PTPRQ: variants seen among roughly 807,000 people sequenced by gnomAD.
PTPRQ encodes phosphatidylinositol phosphatase PTPRQ.
In PTPRQ, 199 loss-of-function variants were observed where a neutral mutation model predicts 246.0. The ratio of observed to expected loss-of-function variants is 0.81; its 90% CI spans 0.72 to 0.91. The LOEUF (loss-of-function observed/expected upper bound fraction) is 0.91. Among genes scored for constraint, PTPRQ ranks in the 40% least tolerant of loss-of-function variants. The probability of loss-of-function intolerance (pLI) is 0.00; values close to 1 mark genes in which losing one functional copy is unlikely to be tolerated. For missense variants in PTPRQ, 2,624 were observed against 2,528.4 expected, an observed-to-expected ratio of 1.04 and a Z score of -0.81; for synonymous variants, 869 against 853.2, an observed-to-expected ratio of 1.02 and a Z score of -0.32.
At chr12:80,633,746 C>T (rs547747862) in intron 34 of PTPRQ, among the ~76,000 whole-genome samples, 11 of 152,176 alleles carry the variant, frequency 7.2e-5, no homozygotes, top group Non-Finnish European at 1.5e-4. Flanking sequence ...AGTTATCATT[C>T]GAGGCACTTT....
intron 3 of PTPRQ, among the ~76,000 whole-genome samples, chr12:80,450,130 T>C (rs989201396): frequency 6.6e-6 from 1 of 151,900 alleles, no homozygotes; most frequent in African/African-American, 2.4e-5. Flanking sequence ...TTTTATTCTC[T>C]TTGAATCAAT....
In PTPRQ at chr12:80,613,610, A is replaced by G; in HGVS notation, c.4937A>G (p.Asn1646Ser). Residue 1646 changes from asparagine to serine, a missense_variant, in exon 29 of 45, where the codon AAC (asparagine) becomes AGC (serine). Physicochemically the swap from Asn to Ser is conservative, Grantham distance 46. Coordinates refer to ENST00000644991, the MANE Select transcript of PTPRQ (RefSeq NM_001145026.2). ...ATTTTAGCCCCAAAGGACCCACCTA[A>G]CAACATGACATTTCAGAAGATACCA... ...TLESAPKDPP[N>S]NMTFQKIPDE... 1 of 1,541,996 alleles carries G rather than the reference A, an allele frequency of 6.5e-7. No individual in the cohort carries two copies. Among genetic ancestry groups the G allele is most frequent in the Middle Eastern group, 1.7e-4 (1 of 5,936 alleles).
chr12:80,535,159 A>G, intron 19 of PTPRQ, 122 bp downstream of exon 19: 1 of 989,134 alleles, frequency 1.0e-6, no homozygotes, highest in Non-Finnish European at 1.4e-6. Context: ...GATGTATTTT[A>G]TAAAACTCCC....
chr12:80,548,433 ATTATCT>A (rs1896373492), intron 24 of PTPRQ, among the ~76,000 whole-genome samples: 1 of 152,110 alleles, frequency 6.6e-6, no homozygotes, highest in Non-Finnish European at 1.5e-5. Context: ...TCAGCCAGAA[ATTATCT>A]TTAAAAAATT....
At chr12:80,491,917 A>G (rs762255973) in intron 9 of PTPRQ, among the ~76,000 whole-genome samples, 12 of 152,040 alleles carry the variant, frequency 7.9e-5, no homozygotes, top group Non-Finnish European at 1.0e-4. Context: ...ACTGAAACCT[A>G]TATTATGAAT....
chr12:80,649,034 T>C, intron 36 of PTPRQ, 111 bp downstream of exon 36: 2 of 1,024,854 alleles, frequency 2.0e-6, no homozygotes, highest in South Asian at 2.5e-5. Flanking sequence ...TGGAAAAACC[T>C]CCAAGCTGGA....
At chr12:80,673,438 G>C in intron 43 of PTPRQ, 134 bp downstream of exon 43, 1 of 1,310,412 alleles carries the variant, frequency 7.6e-7, no homozygotes, top group Non-Finnish European at 1.0e-6. Flanking sequence ...AGCCTTTTGG[G>C]GAGGATTCGG....
intron 19 of PTPRQ, among the ~76,000 whole-genome samples, chr12:80,536,010 G>C (rs1371274893): frequency 6.6e-6 from 1 of 152,228 alleles, no homozygotes; most frequent in African/African-American, 2.4e-5. Context: ...GGGAGGCTGA[G>C]GCAGGAGAAT....
At chr12:80,452,784 T>C (rs1032443357) in intron 3 of PTPRQ, among the ~76,000 whole-genome samples, 8 of 152,210 alleles carry the variant, frequency 5.3e-5, no homozygotes, top group Non-Finnish European at 8.8e-5. Context: ...CCTTTCTCTC[T>C]GGCTGCCCTT....
Position 80,460,715 on chromosome 12 carries a change from A to G in PTPRQ, c.723A>G (p.Thr241=), listed in dbSNP as rs574955582. The G allele has an allele frequency of 2.2e-4, 86 of 399,506 alleles. No individual in the cohort carries two copies. The highest frequency in any genetic ancestry group is 2.6e-4 in the Admixed American group (6 of 22,720). 24.7% of individuals were successfully genotyped at this position (399,506 alleles called of 1,614,324 possible). A position where few individuals can be genotyped will look rare whatever the true frequency, so the allele number is the denominator to read the frequency against. ...CTTCTCCAACCCTTGGTAGAGTTAC[A>G]CCTCCATCGCGTACCACACATTCAT... ...ASPSPTLGRV[T]PPSRTTHSSS... The change falls in exon 6 of 45, where the codon ACA becomes ACG. Residue 241 remains threonine, a synonymous_variant. Coordinates refer to ENST00000644991, the MANE Select transcript of PTPRQ (RefSeq NM_001145026.2).
chr12:80,496,428 C>T lies in PTPRQ; in HGVS notation c.2169C>T (p.Asn723=), dbSNP rs1311527879. Residue 723 remains asparagine, a synonymous_variant, in exon 14 of 45, where the codon AAC becomes AAT. Transcript: ENST00000644991. ...CAACAACAGACATAATATTAAGGAA[C>T]TTAAGACCTCACACCCTCTATAACA... ...NTSTTDIILR[N]LRPHTLYNIS... 6.4e-7 allele frequency: 1 copy of T among 1,550,790 alleles called. No homozygotes were observed. Among genetic ancestry groups the T allele is most frequent in the Non-Finnish European group, 8.7e-7 (1 of 1,146,478 alleles).
At chr12:80,527,868 C>A (rs1895734621) in intron 17 of PTPRQ, among the ~76,000 whole-genome samples, 1 of 152,106 alleles carries the variant, frequency 6.6e-6, no homozygotes, top group Non-Finnish European at 1.5e-5. Context: ...CCAAGGTGGG[C>A]AGATGGCTTG....
At chr12:80,601,414 T>C (rs1362699650) in intron 26 of PTPRQ, among the ~76,000 whole-genome samples, 1 of 151,818 alleles carries the variant, frequency 6.6e-6, no homozygotes, top group Non-Finnish European at 1.5e-5. Flanking sequence ...AAAGCTACCT[T>C]GATCACCTGT....
At chr12:80,475,033 T>G (rs146098157) in intron 8 of PTPRQ, among the ~76,000 whole-genome samples, 137 of 152,294 alleles carry the variant, frequency 9.0e-4, no homozygotes, top group African/African-American at 3.1e-3. Context: ...CAAAATATAC[T>G]TCTAAAGAAA....
chr12:80,661,683 A>G (rs1900639560), intron 39 of PTPRQ, among the ~76,000 whole-genome samples: 2 of 151,556 alleles, frequency 1.3e-5, no homozygotes, highest in Admixed American at 6.6e-5. Context: ...TTTTTTCCCT[A>G]GAGCTTATAT....
At chr12:80,513,095 G>C (rs963079908) in intron 17 of PTPRQ, among the ~76,000 whole-genome samples, 40 of 152,092 alleles carry the variant, frequency 2.6e-4, no homozygotes. Context: ...TTAGCCATCC[G>C]TAGGGGGCTT....
chr12:80,519,903 G>C (rs1895418161), intron 17 of PTPRQ, among the ~76,000 whole-genome samples: 1 of 152,072 alleles, frequency 6.6e-6, no homozygotes, highest in Non-Finnish European at 1.5e-5. Context: ...GGCTCAGTTA[G>C]TCTCTGTCTG....
chr12:80,533,027 T>C (rs1043050223), intron 17 of PTPRQ, among the ~76,000 whole-genome samples: 3 of 152,200 alleles, frequency 2.0e-5, no homozygotes, highest in Non-Finnish European at 4.4e-5. Context: ...GGAATATTCA[T>C]TTACTTCTTC....
chr12:80,496,710 AT>A (rs1894636792), intron 14 of PTPRQ, among the ~76,000 whole-genome samples, 179 bp downstream of exon 14: 2 of 152,058 alleles, frequency 1.3e-5, no homozygotes, highest in South Asian at 4.1e-4. Context: ...TATTGTACAA[AT>A]TTTTAAGTCT....
Sources: gnomAD v4.1 joint callset for allele counts (sites outside exome capture counted in the v4.1 genomes callset) on GRCh38, gnomAD v4.1.1 for gene constraint, MANE v1.5 for transcripts, NCBI Gene and HGNC (gene_info 2026-07-23, HGNC 2026-07-21) for gene names.